C13orf42: variants seen among roughly 807,000 people sequenced by gnomAD.
C13orf42 encodes the protein chromosome 13 open reading frame 42, also known as uncharacterized protein C13orf42.
intron 1 of C13orf42, chr13:51,172,126 CA>C (rs1953959258): frequency 6.6e-6 from 1 of 152,180 alleles, no homozygotes; most frequent in African/African-American, 2.4e-5. Context: ...AACCTCCTCC[CA>C]CAGGAGCTTG....
At chr13:51,131,063 T>C (rs979017932) in intron 1 of C13orf42, among the ~76,000 whole-genome samples, 1 of 152,200 alleles carries the variant, frequency 6.6e-6, no homozygotes, top group Non-Finnish European at 1.5e-5. Flanking sequence ...TTTCTGTAAA[T>C]TAAACATTGA....
chr13:51,120,397 A>G lies in C13orf42; in HGVS notation n.137-7175T>C, dbSNP rs957602390. 2.6e-5 allele frequency among the ~76,000 whole-genome samples: 4 copies of G among 152,216 alleles called. 1 individual carries two copies. Among genetic ancestry groups the G allele is most frequent in the Admixed American group, 2.6e-4 (4 of 15,284 alleles). ...AAGCGGGTATCCTTGCCGCATTATG[A>G]GAAGCTCCACCGGGGCAGGAATTGT... On this transcript the variant is annotated intron_variant and non_coding_transcript_variant, in intron 1 of 4. Transcript: ENST00000433280.
At chr13:51,123,310 G>A (rs1164968879) in intron 1 of C13orf42, among the ~76,000 whole-genome samples, 1 of 152,220 alleles carries the variant, frequency 6.6e-6, no homozygotes, top group Non-Finnish European at 1.5e-5. Flanking sequence ...TGGGGGCTCT[G>A]CTTAGCCTCT....
At chr13:51,137,478 T>C (rs971111315) in intron 1 of C13orf42, among the ~76,000 whole-genome samples, 7 of 152,148 alleles carry the variant, frequency 4.6e-5, no homozygotes, top group Non-Finnish European at 4.4e-5. Context: ...CTGAAGGGGC[T>C]GTTGGAGGAC....
intron 1 of C13orf42, among the ~76,000 whole-genome samples, chr13:51,147,680 T>G (rs4942962): frequency 0.62 from 94,394 of 151,570 alleles, 29,771 homozygotes; most frequent in African/African-American, 0.72. Context: ...AGTGAGCTGA[T>G]ATCGCACCAT....
chr13:51,096,112 G>C, intron 1 of C13orf42, among the ~76,000 whole-genome samples: 1 of 152,176 alleles, frequency 6.6e-6, no homozygotes, highest in Middle Eastern at 3.2e-3. Flanking sequence ...AATCTCTCTA[G>C]AAATACCTTG....
upstream of C13orf42, among the ~76,000 whole-genome samples, chr13:51,111,843 C>T (rs1399985961): frequency 6.6e-6 from 1 of 151,672 alleles, no homozygotes; most frequent in African/African-American, 2.4e-5. Flanking sequence ...AAGCTGGGCT[C>T]TGAGCAGGCA....
intron 1 of C13orf42, among the ~76,000 whole-genome samples, chr13:51,098,220 G>A (rs111932535): frequency 8.1e-4 from 123 of 151,950 alleles, no homozygotes; most frequent in Middle Eastern, 3.4e-3. Context: ...CCCTTCCCCA[G>A]TCTGTTCATT....
chr13:51,127,713 A>C (rs1953587526), intron 1 of C13orf42, among the ~76,000 whole-genome samples: 1 of 152,238 alleles, frequency 6.6e-6, no homozygotes, highest in East Asian at 1.9e-4. Flanking sequence ...TAAAATTTAC[A>C]TTTTTAAAAA....
chr13:51,105,984 AGGAC>A (rs2137996964), intron 1 of C13orf42, among the ~76,000 whole-genome samples: 1 of 152,324 alleles, frequency 6.6e-6, no homozygotes, highest in East Asian at 1.9e-4. Context: ...AAATGATTTC[AGGAC>A]ATAATACCTA....
At position 51,159,397 on chromosome 13, in the gene C13orf42, C is replaced by T. The variant is rs181107599; in HGVS notation, n.136+12856G>A. Among the ~76,000 whole-genome samples, 388 of 152,290 alleles carry T rather than the reference C, an allele frequency of 2.5e-3. 2 individuals carry two copies. The highest frequency in any genetic ancestry group is 4.2e-3 in the Non-Finnish European group (287 of 68,032). On this transcript the variant is annotated intron_variant and non_coding_transcript_variant, in intron 1 of 4. Transcript: ENST00000433280. Reference sequence around the variant, plus strand: ...ATAGAATGACAAGAAAATAAAGAGGCTGATCAAGAGCAGTCTGAAACCTTT... The same window carrying T: ...ATAGAATGACAAGAAAATAAAGAGGTTGATCAAGAGCAGTCTGAAACCTTT...
intron 1 of C13orf42, among the ~76,000 whole-genome samples, chr13:51,141,489 CTAAT>C (rs1953695758): frequency 6.6e-6 from 1 of 151,982 alleles, no homozygotes; most frequent in African/African-American, 2.4e-5. Context: ...TAAAAGAGCT[CTAAT>C]TAATTGGCTT....
chr13:51,105,633 CAAGG>C (rs1199024724), intron 1 of C13orf42, among the ~76,000 whole-genome samples: 1 of 152,180 alleles, frequency 6.6e-6, no homozygotes, highest in East Asian at 1.9e-4. Context: ...TAGCTTCCAG[CAAGG>C]ACAGAGCCAA....
chr13:51,137,035 G>C (rs1953662611), intron 1 of C13orf42, among the ~76,000 whole-genome samples: 1 of 152,166 alleles, frequency 6.6e-6, no homozygotes, highest in Non-Finnish European at 1.5e-5. Flanking sequence ...CAAAAGTCAA[G>C]TACCTGGCCC....
intron 1 of C13orf42, among the ~76,000 whole-genome samples, chr13:51,105,869 T>TACAGAAGCTAATTCAGCTAC (rs1450119992): frequency 6.6e-6 from 1 of 152,204 alleles, no homozygotes; most frequent in Non-Finnish European, 1.5e-5. Context: ...TTCGACATGA[T>TACAGAAGCTAATTCAGCTAC]ACAGAAGCTA....
At chr13:51,171,263 C>G (rs935633279) in intron 1 of C13orf42, among the ~76,000 whole-genome samples, 59 of 152,074 alleles carry the variant, frequency 3.9e-4, no homozygotes, top group African/African-American at 1.4e-3. Flanking sequence ...AATACAAACT[C>G]GACAGTAGTT....
At chr13:51,143,031 A>C (rs1953707544) in intron 1 of C13orf42, among the ~76,000 whole-genome samples, 1 of 152,178 alleles carries the variant, frequency 6.6e-6, no homozygotes, top group Non-Finnish European at 1.5e-5. Context: ...TGAGATTAAA[A>C]AATTTTTTAA....
intron 1 of C13orf42, among the ~76,000 whole-genome samples, chr13:51,144,024 T>G (rs1229041583): frequency 6.6e-6 from 1 of 152,182 alleles, no homozygotes; most frequent in Non-Finnish European, 1.5e-5. Context: ...AATTTCCTTG[T>G]CAATTGTGTC....
intron 2 of C13orf42, among the ~76,000 whole-genome samples, chr13:51,086,317 CAAAAAAAAACA>C (rs1447210537): frequency 2.6e-5 from 3 of 114,350 alleles, no homozygotes; most frequent in Admixed American, 9.1e-5. Flanking sequence ...AAAAAAAAAA[CAAAAAAAAACA>C]AAAAAAAAAA....
Sources: gnomAD v4.1 joint callset for allele counts (sites outside exome capture counted in the v4.1 genomes callset) on GRCh38, gnomAD v4.1.1 for gene constraint, MANE v1.5 for transcripts, NCBI Gene and HGNC (gene_info 2026-07-23, HGNC 2026-07-21) for gene names.